The following SH2D3C variants were observed in gnomAD, a reference collection of about 807,000 sequenced individuals.
SH2D3C encodes the protein SH2 domain-containing protein 3C.
A neutral mutation model predicts 75.2 loss-of-function variants in SH2D3C; 25 were observed. That is an observed-to-expected ratio of 0.33 (90% CI 0.24 to 0.46). The LOEUF is 0.46. SH2D3C is among the 20% of genes least tolerant of loss of function. The pLI, the probability that SH2D3C is intolerant of heterozygous loss-of-function variation, is 1.00. For synonymous variants in SH2D3C, 450 were observed against 473.7 expected (o/e 0.95, Z 0.65); for missense variants, 933 against 1,165.3 (o/e 0.80, Z 2.90).
At position 127,774,444 on chromosome 9, in the gene SH2D3C, C is replaced by A. The variant is rs1292213730; in HGVS notation, c.61G>T (p.Gly21Trp). The change falls in exon 2 of 12, where the codon GGG becomes TGG. Residue 21 changes from glycine (G) to tryptophan (W), a missense_variant. Transcript: ENST00000314830. This position sits in a 1 kb window ranked among gnomAD's most constrained non-coding sequence, Gnocchi z 4.3. ...GACCGAGGGAGGTTGGAGAGACTCCCAAAGCCCTTGAACTTGAAGAACTCT... is the reference window on the plus strand; with the variant it reads ...GACCGAGGGAGGTTGGAGAGACTCCAAAAGCCCTTGAACTTGAAGAACTCT... Reference protein sequence around the residue: ...KFKFFKFKGFGSLSNLPRSFT... With the variant: ...KFKFFKFKGFWSLSNLPRSFT... 6.3e-7 allele frequency: 1 copy of A among 1,591,262 alleles called. No homozygotes were observed. The highest frequency in any genetic ancestry group is 1.7e-5 in the Admixed American group (1 of 59,892).
intron 3 of SH2D3C, among the ~76,000 whole-genome samples, chr9:127,756,000 C>G (rs1334037719): frequency 6.6e-6 from 1 of 152,320 alleles, no homozygotes; most frequent in East Asian, 1.9e-4. Flanking sequence ...AGCTTCCTGT[C>G]TTAGAAACTG....
chr9:127,773,237 C>G (rs1028798043), intron 2 of SH2D3C, among the ~76,000 whole-genome samples: 1 of 152,176 alleles, frequency 6.6e-6, no homozygotes, highest in African/African-American at 2.4e-5. Flanking sequence ...TCAACTCACC[C>G]TATAACCAAA....
At chr9:127,741,105 C>T (rs759706790) in intron 9 of SH2D3C, among the ~76,000 whole-genome samples, 3 of 152,220 alleles carry the variant, frequency 2.0e-5, no homozygotes, top group Non-Finnish European at 4.4e-5. Context: ...GTCTCAAACA[C>T]TCCATTTGTA....
chr9:127,750,029 ATCC>A (rs1845153045), intron 4 of SH2D3C, among the ~76,000 whole-genome samples: 2 of 151,814 alleles, frequency 1.3e-5, no homozygotes, highest in African/African-American at 4.8e-5. Flanking sequence ...TGAATTCCTA[ATCC>A]TCATTCTTCC....
rs1290238447 is a variant in SH2D3C, at chr9:127,740,492, C to T, written c.2089-123G>A. The T allele has an allele frequency of 7.7e-6, 5 of 647,710 alleles. No individual in the cohort carries two copies. In the South Asian group the frequency reaches 8.8e-5, roughly 11 times the overall value. 40.1% of individuals were successfully genotyped at this position (647,710 alleles called of 1,614,324 possible). On this transcript the variant is annotated intron_variant, in intron 9 of 11. Coordinates refer to ENST00000314830, the MANE Select transcript of SH2D3C (RefSeq NM_170600.3). ...TATTATTATGGCCATCCTTCATGTA[C>T]CAGGGACAGTGATGACTACTTTTCA...
At chr9:127,742,163 C>G (rs1276125886) in intron 8 of SH2D3C, among the ~76,000 whole-genome samples, 2 of 151,980 alleles carry the variant, frequency 1.3e-5, no homozygotes, top group Non-Finnish European at 2.9e-5. Flanking sequence ...AAATCAGGGG[C>G]GGGGCCAGAG....
Position 127,749,753 on chromosome 9 carries a change from G to T in SH2D3C, c.685-88C>A. The T allele has an allele frequency of 1.2e-6, 1 of 805,732 alleles. No homozygotes were observed. The highest frequency in any genetic ancestry group is 1.6e-5 in the South Asian group (1 of 62,866). 49.9% of individuals were successfully genotyped at this position (805,732 alleles called of 1,614,324 possible). Reference sequence around the variant, plus strand: ...GGGGGACAGAGCAACCCAGGATTAGGGGGCACAGCAAGACCAGACCCAGGG... The same window carrying T: ...GGGGGACAGAGCAACCCAGGATTAGTGGGCACAGCAAGACCAGACCCAGGG... On this transcript the variant is annotated intron_variant, in intron 4 of 11. Transcript: ENST00000314830. The surrounding 1 kb of genome is among the most constrained non-coding windows in gnomAD (Gnocchi z 5.9).
At position 127,742,832 on chromosome 9, in the gene SH2D3C, T is replaced by C; in HGVS notation, c.1916+17A>G. 6.3e-7 allele frequency: 1 copy of C among 1,596,680 alleles called. No homozygotes were observed. The highest frequency in any genetic ancestry group is 1.3e-5 in the African/African-American group (1 of 74,634). On this transcript the variant is annotated intron_variant, in intron 8 of 11. Coordinates refer to ENST00000314830, the MANE Select transcript of SH2D3C (RefSeq NM_170600.3). ...CGGGGGTTCCCCGCGAGTCCCCGGG[T>C]GCCGGCGCTGTCTCACCTTTCCAGC...
chr9:127,750,140 T>TTTATTATTATTATTATTGTTA, intron 4 of SH2D3C, among the ~76,000 whole-genome samples: 1 of 150,432 alleles, frequency 6.6e-6, no homozygotes, highest in Non-Finnish European at 1.5e-5. Context: ...GATGAACTTC[T>TTTATTATTATTATTATTGTTA]TTATTATTAT....
chr9:127,775,963 G>A (rs1845802567), intron 1 of SH2D3C, among the ~76,000 whole-genome samples: 1 of 151,896 alleles, frequency 6.6e-6, no homozygotes, highest in Admixed American at 6.6e-5. Flanking sequence ...CGAGTAACTG[G>A]GATTACAGGC....
At position 127,738,823 on chromosome 9, in the gene SH2D3C, G is replaced by A. The variant is rs746657157; in HGVS notation, c.2506C>T (p.Arg836Cys). The change falls in exon 12 of 12, where the codon CGC becomes TGC. Residue 836 changes from arginine (R) to cysteine (C), a missense_variant. By Grantham distance (180) the Arg-to-Cys change is radical. Coordinates refer to ENST00000314830, the MANE Select transcript of SH2D3C (RefSeq NM_170600.3). This position sits in a 1 kb window ranked among gnomAD's most constrained non-coding sequence, Gnocchi z 5.0. ...AGGACCTTGTCGAACTTCTCATAGC[G>A]CCGGGCCTGGCTGCTGCTGGCACCC... ...SQGASSSQAR[R>C]YEKFDKVLTA... is the part of the protein sequence containing the mutation. 8.1e-6 allele frequency: 13 copies of A among 1,605,716 alleles called. No homozygotes were observed. Among genetic ancestry groups the A allele is most frequent in the African/African-American group, 4.0e-5 (3 of 74,812 alleles).
intron 2 of SH2D3C, chr9:127,766,787 C>G: frequency 2.8e-6 from 2 of 723,462 alleles, no homozygotes; most frequent in South Asian, 1.9e-5. Flanking sequence ...CCAGGCTGGT[C>G]TTGAACTCCT....
chr9:127,759,841 G>T (rs553878476), intron 3 of SH2D3C, among the ~76,000 whole-genome samples: 1 of 151,940 alleles, frequency 6.6e-6, no homozygotes, highest in East Asian at 1.9e-4. Flanking sequence ...AAATTAGCCC[G>T]GCGTGGTGGC....
Position 127,749,864 on chromosome 9 carries a change from G to A in SH2D3C, c.685-199C>T, listed in dbSNP as rs955180324. On this transcript the variant is annotated intron_variant, in intron 4 of 11. Coordinates refer to ENST00000314830, the MANE Select transcript of SH2D3C (RefSeq NM_170600.3). The surrounding 1 kb of genome is among the most constrained non-coding windows in gnomAD (Gnocchi z 5.9). ...GTTCACAGGGGGCACCTCAGCCAGA[G>A]GCCCTGAGTCTGCAGCACAGAGGCT... is the stretch of plus-strand genomic sequence containing the variant. Among the ~76,000 whole-genome samples the A allele has an allele frequency of 2.0e-5, 3 of 152,162 alleles. No individual in the cohort carries two copies. Among genetic ancestry groups the A allele is most frequent in the African/African-American group, 7.2e-5 (3 of 41,430 alleles).
In SH2D3C at chr9:127,739,168, T is replaced by C. The variant is rs1394897544; in HGVS notation, c.2408-247A>G. On this transcript the variant is annotated intron_variant, in intron 11 of 11. Coordinates refer to ENST00000314830, the MANE Select transcript of SH2D3C (RefSeq NM_170600.3). This position sits in a 1 kb window ranked among gnomAD's most constrained non-coding sequence, Gnocchi z 4.3. ...TGCAGATTTTTGGTGATTTTTTTTC[T>C]TTTTTCGTATTTTTCTGTTAAGTTC... Among the ~76,000 whole-genome samples the C allele has an allele frequency of 6.6e-6, 1 of 150,594 alleles. No individual in the cohort carries two copies. The highest frequency in any genetic ancestry group is 6.6e-5 in the Admixed American group (1 of 15,132).
chr9:127,760,685 G>A (rs771823259), intron 3 of SH2D3C, among the ~76,000 whole-genome samples: 3 of 151,942 alleles, frequency 2.0e-5, no homozygotes, highest in Non-Finnish European at 4.4e-5. Context: ...ATCTGTAAAC[G>A]GGCACAAGAA....
At chr9:127,762,533 A>C in intron 2 of SH2D3C, 1 of 432,318 alleles carries the variant, frequency 2.3e-6, no homozygotes, top group Non-Finnish European at 4.7e-6. Flanking sequence ...CTTTGGCCAA[A>C]AACCCTGTGG....
intron 5 of SH2D3C, among the ~76,000 whole-genome samples, chr9:127,748,551 C>A (rs377019401): frequency 2.0e-5 from 3 of 152,344 alleles, no homozygotes; most frequent in South Asian, 2.1e-4. Context: ...GGCTTCCCCC[C>A]TCTAAGCCTA....
intron 2 of SH2D3C, among the ~76,000 whole-genome samples, chr9:127,770,752 C>T (rs919028301): frequency 2.0e-5 from 3 of 152,206 alleles, no homozygotes; most frequent in African/African-American, 7.2e-5. Flanking sequence ...GGGCTCTGTC[C>T]ACAGGGGAAG....
Sources: allele counts gnomAD v4.1 joint callset (sites outside exome capture counted in the v4.1 genomes callset), GRCh38; gene constraint gnomAD v4.1.1; non-coding constraint Gnocchi (gnomAD v3.1); transcripts MANE v1.5; gene names NCBI Gene and HGNC (gene_info 2026-07-23, HGNC 2026-07-21).